The following CAMK2A variants were observed in gnomAD, a reference collection of about 807,000 sequenced individuals.
The protein encoded by CAMK2A is calcium/calmodulin dependent protein kinase II alpha, also known as calcium/calmodulin-dependent protein kinase type II subunit alpha.
A neutral mutation model predicts 79.2 loss-of-function variants in CAMK2A; 7 were observed. That is an observed-to-expected ratio of 0.09 (90% CI 0.05 to 0.17). CAMK2A has a LOEUF of 0.17. Among genes scored for constraint, CAMK2A ranks in the 10% least tolerant of loss-of-function variants. The pLI is 1.00. For missense variants in CAMK2A, 214 were observed against 646.4 expected, an observed-to-expected ratio of 0.33 and a Z score of 7.25; for synonymous variants, 242 against 251.7, an observed-to-expected ratio of 0.96 and a Z score of 0.36.
At chr5:150,245,271 G>A (rs1755514875) in intron 12 of CAMK2A, 70 bp from the exon 13 acceptor site, 2 of 1,495,578 alleles carry the variant, frequency 1.3e-6, no homozygotes. Flanking sequence ...GCGAGGACGA[G>A]CAGCATCCAC....
intron 15 of CAMK2A, 136 bp downstream of exon 15, chr5:150,238,564 A>T: frequency 1.1e-6 from 1 of 869,834 alleles, no homozygotes; most frequent in Non-Finnish European, 1.9e-6. Context: ...TGCCCAGTTT[A>T]TAAGGCACCA....
intron 17 of CAMK2A, among the ~76,000 whole-genome samples, chr5:150,224,071 GGA>G: frequency 6.6e-6 from 1 of 152,286 alleles, no homozygotes; most frequent in East Asian, 1.9e-4. Flanking sequence ...CCAGCGTTAG[GGA>G]GAGATGCATA....
chr5:150,288,175 T>C (rs1580965370), intron 1 of CAMK2A, among the ~76,000 whole-genome samples: 1 of 152,094 alleles, frequency 6.6e-6, no homozygotes, highest in Admixed American at 6.5e-5. Flanking sequence ...TAGATGTGCA[T>C]ATCAAGACCT....
At chr5:150,224,404 C>T (rs1451592848) in intron 17 of CAMK2A, among the ~76,000 whole-genome samples, 2 of 152,162 alleles carry the variant, frequency 1.3e-5, no homozygotes, top group Admixed American at 6.5e-5. Context: ...TAAAAATCTC[C>T]CTTCTCCTTC....
chr5:150,255,054 G>T (rs2150283414), intron 6 of CAMK2A, among the ~76,000 whole-genome samples: 1 of 152,220 alleles, frequency 6.6e-6, no homozygotes, highest in Non-Finnish European at 1.5e-5. Flanking sequence ...GGCCTCCTTT[G>T]TCCTCTGGGG....
chr5:150,267,875 T>G (rs76918998), intron 2 of CAMK2A, among the ~76,000 whole-genome samples: 5 of 104,694 alleles, frequency 4.8e-5, no homozygotes, highest in Admixed American at 9.1e-5. Context: ...GCCAAGGAGC[T>G]TTTTTTTTTT....
In CAMK2A at chr5:150,219,772, C is replaced by T. The variant is rs1754209410; in HGVS notation, c.*2938G>A. The T allele has an allele frequency of 6.6e-6, 1 of 152,444 alleles. No individual in the cohort carries two copies. Among genetic ancestry groups the T allele is most frequent in the Non-Finnish European group, 1.5e-5 (1 of 68,004 alleles). 9.4% of individuals were successfully genotyped at this position (152,444 alleles called of 1,614,324 possible). On this transcript the variant is annotated 3_prime_UTR_variant, in exon 19 of 19. Transcript: ENST00000671881. ...ACAGGAGGCCTTGGGTCAGGATTCGCACCATGGTGGGCACAAACCCAGGAG... is the reference window on the plus strand; with the variant it reads ...ACAGGAGGCCTTGGGTCAGGATTCGTACCATGGTGGGCACAAACCCAGGAG...
At chr5:150,238,194 T>C (rs1755169140) in intron 15 of CAMK2A, 2 of 160,470 alleles carry the variant, frequency 1.2e-5, no homozygotes, top group African/African-American at 2.4e-5. Context: ...CTCATGCCTG[T>C]AATCCCAGCA....
At chr5:150,247,670 C>T (rs1042415592) in intron 12 of CAMK2A, 102 bp downstream of exon 12, 13 of 906,846 alleles carry the variant, frequency 1.4e-5, no homozygotes, top group Non-Finnish European at 2.3e-5. Context: ...AACTCCCTCT[C>T]CCCAGGCCCA....
At chr5:150,281,712 G>A (rs1757224165) in intron 1 of CAMK2A, among the ~76,000 whole-genome samples, 1 of 152,196 alleles carries the variant, frequency 6.6e-6, no homozygotes, top group Admixed American at 6.5e-5. Flanking sequence ...TGCAGTGAGT[G>A]TGCATTTTGG....
At chr5:150,251,956 A>G in intron 8 of CAMK2A, 26 bp downstream of exon 8, 1 of 1,607,116 alleles carries the variant, frequency 6.2e-7, no homozygotes, top group Non-Finnish European at 8.5e-7. Flanking sequence ...AGCCAGGGGC[A>G]CAAAAGGGCC....
At chr5:150,227,780 C>A (rs995606027) in intron 17 of CAMK2A, among the ~76,000 whole-genome samples, 2 of 152,212 alleles carry the variant, frequency 1.3e-5, no homozygotes, top group African/African-American at 4.8e-5. Flanking sequence ...AACCCACCAG[C>A]CAGCTTGTGA....
chr5:150,242,016 G>A (rs972669854), intron 13 of CAMK2A, among the ~76,000 whole-genome samples: 1 of 152,156 alleles, frequency 6.6e-6, no homozygotes, highest in African/African-American at 2.4e-5. Flanking sequence ...CATCAGATTC[G>A]GACGCACAGT....
At chr5:150,254,241 T>C (rs1256311987) in intron 6 of CAMK2A, among the ~76,000 whole-genome samples, 1 of 152,198 alleles carries the variant, frequency 6.6e-6, no homozygotes, top group Non-Finnish European at 1.5e-5. Flanking sequence ...TTGCAGTGTT[T>C]TCTCCCATCT....
intron 6 of CAMK2A, among the ~76,000 whole-genome samples, chr5:150,255,025 T>C (rs1284975150): frequency 1.3e-5 from 2 of 152,028 alleles, no homozygotes; most frequent in African/African-American, 4.8e-5. Flanking sequence ...CAAATATAGC[T>C]CCCTCCGCCT....
In CAMK2A at chr5:150,221,252, G is replaced by A. The variant is rs1389963710; in HGVS notation, c.*1458C>T. 18 of 396,460 alleles carry A rather than the reference G, an allele frequency of 4.5e-5. No individual in the cohort carries two copies. The Admixed American group carries it at 6.6e-4, about 15-fold the overall frequency. 24.6% of individuals were successfully genotyped at this position (396,460 alleles called of 1,614,324 possible). On this transcript the variant is annotated 3_prime_UTR_variant, in exon 19 of 19. Coordinates refer to ENST00000671881, the MANE Select transcript of CAMK2A (RefSeq NM_015981.4). ...GTGCAGACAGTAGATCCTAGTGGAT[G>A]TGCCAAGGTATTCCACTCAGAGTCA...
intron 2 of CAMK2A, among the ~76,000 whole-genome samples, chr5:150,265,732 A>C (rs919073982): frequency 1.3e-5 from 2 of 152,152 alleles, no homozygotes; most frequent in Non-Finnish European, 2.9e-5. Context: ...ACTTGAGCTC[A>C]GGAGTTCGAG....
In CAMK2A at chr5:150,250,781, G is replaced by T; in HGVS notation, c.723C>A (p.Thr241=). 6.2e-7 allele frequency: 1 copy of T among 1,614,088 alleles called. No homozygotes were observed. The highest frequency in any genetic ancestry group is 2.2e-5 in the East Asian group (1 of 44,876). ...TATTGATCAGATCCTTGGCTTCCGG[G>T]GTGACAGTGTCCCATTCCGGCGATG... is the stretch of plus-strand genomic sequence containing the variant. ...DFPSPEWDTV[T]PEAKDLINKM... The change falls in exon 10 of 19, where the codon ACC becomes ACA. Residue 241 remains threonine (T), a synonymous_variant. Coordinates refer to ENST00000671881, the MANE Select transcript of CAMK2A (RefSeq NM_015981.4).
rs1369173775 is a variant in CAMK2A, at chr5:150,220,497, C to T, written c.*2213G>A. On this transcript the variant is annotated 3_prime_UTR_variant, in exon 19 of 19. Transcript: ENST00000671881. The stretch of plus-strand genomic sequence containing the variant: ...ATCGGCTGGATGGGAACAAAGAACC[C>T]TTTTAACCAATGAGGGAACTGAGGC... 2 of 152,472 alleles carry T rather than the reference C, an allele frequency of 1.3e-5. No individual in the cohort carries two copies. The highest frequency in any genetic ancestry group is 3.8e-4 in the East Asian group (2 of 5,310). The allele number at this position is 152,472 out of a possible 1,614,324, so 9.4% of individuals were successfully genotyped here.
Sources: gnomAD v4.1 joint callset for allele counts (sites outside exome capture counted in the v4.1 genomes callset) on GRCh38, gnomAD v4.1.1 for gene constraint, MANE v1.5 for transcripts, NCBI Gene and HGNC (gene_info 2026-07-23, HGNC 2026-07-21) for gene names.